The following ARHGAP40 variants were observed in gnomAD, a reference collection of about 807,000 sequenced individuals.
The protein encoded by ARHGAP40 is Rho GTPase activating protein 40.
A neutral mutation model predicts 73.5 loss-of-function variants in ARHGAP40; 43 were observed. That is an observed-to-expected ratio of 0.58 (90% CI 0.46 to 0.75). The LOEUF is 0.75. ARHGAP40 is among the 30% of genes least tolerant of loss of function. The pLI, the probability that ARHGAP40 is intolerant of heterozygous loss-of-function variation, is 0.00. For missense variants in ARHGAP40, 734 were observed against 861.8 expected, an observed-to-expected ratio of 0.85 and a Z score of 1.86; for synonymous variants, 300 against 352.8, an observed-to-expected ratio of 0.85 and a Z score of 1.68.
chr20:38,621,010 G>A (rs2088870750), intron 1 of ARHGAP40, among the ~76,000 whole-genome samples: 1 of 152,150 alleles, frequency 6.6e-6, no homozygotes, highest in Non-Finnish European at 1.5e-5. Context: ...ACGAAGTGTG[G>A]GCTGCTTCCA....
intron 10 of ARHGAP40, among the ~76,000 whole-genome samples, chr20:38,642,088 G>A (rs1254398956): frequency 6.6e-6 from 1 of 152,170 alleles, no homozygotes; most frequent in Non-Finnish European, 1.5e-5. Context: ...TAAACACAGA[G>A]TTCATGAAAC....
intron 1 of ARHGAP40, chr20:38,615,504 C>T (rs2088830923): frequency 1.5e-6 from 1 of 655,308 alleles, no homozygotes; most frequent in Non-Finnish European, 2.9e-6. Context: ...GCTCGGGCCT[C>T]ACAGTCTCCT....
At chr20:38,601,810 G>C in exon 1 of ARHGAP40, 1 of 1,119,776 alleles carries the variant, frequency 8.9e-7, no homozygotes, top group Non-Finnish European at 1.2e-6. Context: ...CTGAACATTA[G>C]TCCTGCATGA....
chr20:38,634,735 T>A (rs1181665513), exon 6 of ARHGAP40: 2 of 1,304,572 alleles, frequency 1.5e-6, no homozygotes, highest in East Asian at 1.1e-4. Flanking sequence ...CTCTGTGACA[T>A]CCTCGGCTTG....
At chr20:38,606,598 G>A (rs2088771675) in intron 1 of ARHGAP40, among the ~76,000 whole-genome samples, 1 of 152,150 alleles carries the variant, frequency 6.6e-6, no homozygotes, top group Non-Finnish European at 1.5e-5. Flanking sequence ...CATGCTCAGT[G>A]TCTGGCAGAG....
chr20:38,641,667 G>T, intron 9 of ARHGAP40, 59 bp from the exon 10 acceptor site: 1 of 1,217,022 alleles, frequency 8.2e-7, no homozygotes, highest in Non-Finnish European at 1.1e-6. Flanking sequence ...GAAGAGACCA[G>T]ACTGAGGGAG....
chr20:38,631,494 C>T (rs1171088516), intron 5 of ARHGAP40, among the ~76,000 whole-genome samples: 1 of 152,096 alleles, frequency 6.6e-6, no homozygotes, highest in Non-Finnish European at 1.5e-5. Context: ...CAGGGAATCT[C>T]CCCTTTTTAA....
intron 1 of ARHGAP40, among the ~76,000 whole-genome samples, chr20:38,603,275 C>T (rs2088746892): frequency 6.6e-6 from 1 of 152,226 alleles, no homozygotes; most frequent in African/African-American, 2.4e-5. Context: ...TTAGTGAGAC[C>T]ATTTCATTCA....
intron 1 of ARHGAP40, among the ~76,000 whole-genome samples, chr20:38,616,067 G>A (rs1272617735): frequency 6.6e-6 from 1 of 152,184 alleles, no homozygotes; most frequent in African/African-American, 2.4e-5. Flanking sequence ...TGATAGCGGT[G>A]TGAGAGGGCC....
At chr20:38,628,408 C>T (rs1167370994) in intron 3 of ARHGAP40, among the ~76,000 whole-genome samples, 3 of 152,050 alleles carry the variant, frequency 2.0e-5, no homozygotes, top group East Asian at 1.9e-4. Context: ...GGGTTCACGC[C>T]GTTCTCCTGC....
intron 5 of ARHGAP40, 22 bp downstream of exon 5, chr20:38,629,672 C>T: frequency 1.5e-6 from 2 of 1,303,878 alleles, no homozygotes; most frequent in Non-Finnish European, 2.0e-6. Context: ...GTCCACAGGG[C>T]TGGTTGGCTA....
At position 38,603,229 on chromosome 20, in the gene ARHGAP40, G is replaced by A. The variant is rs557893913; in HGVS notation, c.137+1150G>A. On this transcript the variant is annotated intron_variant, in intron 1 of 14. Coordinates refer to ENST00000373345, the Ensembl canonical transcript of ARHGAP40. ...AACTGAGTCCTAGAATTCCCTTAAG[G>A]GAACAACTTCTAGGCTCAGGAAAGG... 3.2e-3 allele frequency among the ~76,000 whole-genome samples: 481 copies of A among 152,306 alleles called. 2 individuals are homozygous for A. Among genetic ancestry groups the A allele is most frequent in the African/African-American group, 0.011 (440 of 41,568 alleles).
chr20:38,631,557 G>T (rs1373444512), intron 5 of ARHGAP40, among the ~76,000 whole-genome samples: 1 of 152,116 alleles, frequency 6.6e-6, no homozygotes, highest in East Asian at 1.9e-4. Context: ...GCCTGGGAAA[G>T]ACCTGCCCCC....
intron 6 of ARHGAP40, among the ~76,000 whole-genome samples, chr20:38,635,163 A>AGCCACC (rs1215237559): frequency 6.6e-6 from 1 of 151,972 alleles, no homozygotes; most frequent in African/African-American, 2.4e-5. Context: ...TACAGGTGTG[A>AGCCACC]GCCACCACGC....
In ARHGAP40 at chr20:38,627,343, G is replaced by GGTGTTGGTGTGT. The variant is rs2088904541; in HGVS notation, c.558+136_558+137insGTGTGTGTTGGT. On this transcript the variant is annotated intron_variant, in intron 3 of 14. Coordinates refer to ENST00000373345, the Ensembl canonical transcript of ARHGAP40. Reference sequence around the variant, plus strand: ...GTGTGTATGTGTGTGTTGGTGTGTGGGTGTTGGTATGTGTGTTGGTGTCTG... The same window carrying GGTGTTGGTGTGT: ...GTGTGTATGTGTGTGTTGGTGTGTGGGTGTTGGTGTGTGTGTTGGTATGTGTGTTGGTGTCTG... The GGTGTTGGTGTGT allele has an allele frequency of 1.2e-5, 8 of 658,812 alleles. No individual in the cohort carries two copies. The African/African-American group carries it at 1.2e-4, about 10-fold the overall frequency. The allele number at this position is 658,812 out of a possible 1,614,324, so 40.8% of individuals were successfully genotyped here. A position where few individuals can be genotyped will look rare whatever the true frequency, so the allele number is the denominator to read the frequency against.
intron 4 of ARHGAP40, 127 bp from the exon 5 acceptor site, chr20:38,629,375 G>C: frequency 1.0e-6 from 1 of 977,756 alleles, no homozygotes; most frequent in Non-Finnish European, 1.4e-6. Context: ...ATTTGATCCT[G>C]GGGCTTTGAA....
At chr20:38,603,608 CATTT>C (rs964552501) in intron 1 of ARHGAP40, among the ~76,000 whole-genome samples, 3 of 151,876 alleles carry the variant, frequency 2.0e-5, no homozygotes, top group African/African-American at 7.3e-5. Context: ...CTCTCTCTCT[CATTT>C]ATATTAGTTT....
chr20:38,602,228 C>T, intron 1 of ARHGAP40, 149 bp downstream of exon 1: 2 of 1,055,144 alleles, frequency 1.9e-6, no homozygotes, highest in Non-Finnish European at 1.2e-6. Context: ...GGTCACCTGG[C>T]TGTCAAGTGG....
At chr20:38,617,986 T>C (rs771587598) in intron 1 of ARHGAP40, among the ~76,000 whole-genome samples, 4 of 152,156 alleles carry the variant, frequency 2.6e-5, no homozygotes, top group Non-Finnish European at 5.9e-5. Flanking sequence ...CATATTAAAA[T>C]GAGGAAGCTA....
Sources: gnomAD v4.1 joint callset for allele counts (sites outside exome capture counted in the v4.1 genomes callset) on GRCh38, gnomAD v4.1.1 for gene constraint, MANE v1.5 for transcripts, NCBI Gene and HGNC (gene_info 2026-07-23, HGNC 2026-07-21) for gene names.